The following COL4A1 variants were observed in gnomAD, a reference collection of about 807,000 sequenced individuals.
COL4A1 encodes the protein collagen type IV alpha 1 chain, also known as collagen alpha-1(IV) chain.
Under a neutral mutation model 216.6 loss-of-function variants are expected in COL4A1, and 40 were observed. That is an observed-to-expected ratio of 0.18 (90% CI 0.14 to 0.24). The LOEUF is 0.24. COL4A1 is among the 10% of genes least tolerant of loss of function. COL4A1 has a pLI of 1.00. For synonymous variants in COL4A1, 839 were observed against 810.7 expected (o/e 1.03, Z -0.59); for missense variants, 1,628 against 2,196.8 (o/e 0.74, Z 5.18).
chr13:110,274,211 T>A (rs1883353235), intron 1 of COL4A1, among the ~76,000 whole-genome samples: 1 of 152,136 alleles, frequency 6.6e-6, no homozygotes, highest in South Asian at 2.1e-4. Context: ...ATCAGCTAAT[T>A]ATTATAATGG....
At chr13:110,154,469 C>T (rs980728497) in intron 50 of COL4A1, among the ~76,000 whole-genome samples, 2 of 152,238 alleles carry the variant, frequency 1.3e-5, no homozygotes, top group Non-Finnish European at 2.9e-5. Flanking sequence ...GGTGTTCTCT[C>T]CCTAACTCAA....
chr13:110,254,995 T>A (rs1566420188), intron 1 of COL4A1, among the ~76,000 whole-genome samples: 1 of 152,130 alleles, frequency 6.6e-6, no homozygotes, highest in Non-Finnish European at 1.5e-5. Context: ...GCTTGCTGGT[T>A]AAGAGGAGAG....
At chr13:110,161,488 T>A in intron 48 of COL4A1, 119 bp from the exon 49 acceptor site, 1 of 1,194,842 alleles carries the variant, frequency 8.4e-7, no homozygotes, top group Non-Finnish European at 1.2e-6. Context: ...ATCACTGAAA[T>A]GGAAATGTAT....
At chr13:110,219,335 CAG>C (rs1309168800) in intron 2 of COL4A1, among the ~76,000 whole-genome samples, 3 of 152,164 alleles carry the variant, frequency 2.0e-5, no homozygotes, top group African/African-American at 7.2e-5. Context: ...TGAAATTTAA[CAG>C]TGTGGATTGT....
Position 110,150,417 on chromosome 13 carries a change from T to G in COL4A1, c.4956A>C (p.Ala1652=). The G allele has an allele frequency of 1.2e-6, 2 of 1,614,072 alleles. No homozygotes were observed. The change falls in exon 52 of 52, where the codon GCA becomes GCC. Residue 1652 remains alanine, a synonymous_variant. Transcript: ENST00000375820. Reference sequence around the variant, plus strand: ...GGCTGACGTGCGTGCGCAGCTCCCCTGCCTTCAAGGTGGACGGCGTAGGCT... The same window carrying G: ...GGCTGACGTGCGTGCGCAGCTCCCCGGCCTTCAAGGTGGACGGCGTAGGCT... The part of the protein sequence containing the change: ...FKKPTPSTLK[A]GELRTHVSRC...
chr13:110,256,813 C>T (rs755667102), intron 1 of COL4A1, among the ~76,000 whole-genome samples: 1 of 152,276 alleles, frequency 6.6e-6, no homozygotes, highest in East Asian at 1.9e-4. Context: ...GGGATAGGAT[C>T]TAACCACGCA....
At chr13:110,157,951 G>C (rs542716360) in intron 49 of COL4A1, among the ~76,000 whole-genome samples, 1 of 152,206 alleles carries the variant, frequency 6.6e-6, no homozygotes, top group East Asian at 1.9e-4. Context: ...TCTGAATCAA[G>C]GTCAAATGTC....
intron 2 of COL4A1, among the ~76,000 whole-genome samples, chr13:110,231,464 C>T (rs1022803095): frequency 6.6e-6 from 1 of 152,346 alleles, no homozygotes; most frequent in Admixed American, 6.5e-5. Flanking sequence ...AATGACCGTT[C>T]GGTTTGCCCT....
In COL4A1 at chr13:110,161,224, G is replaced by A. The variant is rs377100994; in HGVS notation, c.4608C>T (p.Ile1536=). Residue 1536 remains isoleucine, a synonymous_variant, in exon 49 of 52, where the codon ATC becomes ATT. Coordinates refer to ENST00000375820, the MANE Select transcript of COL4A1 (RefSeq NM_001845.6). ...TAAATGGTCTTATGTTTTCCCCCGT[G>A]ATGGGTGCCATTGACATGGGCATGG... ...PEPMPMSMAP[I]TGENIRPFIS... is the part of the protein sequence containing the mutation. 181 of 1,614,086 alleles carry A rather than the reference G, an allele frequency of 1.1e-4. No individual in the cohort carries two copies. The highest frequency in any genetic ancestry group is 1.4e-4 in the Non-Finnish European group (162 of 1,180,056).
intron 46 of COL4A1, among the ~76,000 whole-genome samples, chr13:110,164,539 C>T (rs151084270): frequency 6.6e-6 from 1 of 152,280 alleles, no homozygotes; most frequent in East Asian, 1.9e-4. Context: ...CAGATTGCTA[C>T]ATGCCACCCC....
chr13:110,290,636 T>A (rs1221059386), intron 1 of COL4A1, among the ~76,000 whole-genome samples: 3 of 152,208 alleles, frequency 2.0e-5, no homozygotes, highest in African/African-American at 7.2e-5. Flanking sequence ...ATCATCCCTG[T>A]CCACACCTCC....
chr13:110,158,210 C>A (rs1008670319), intron 49 of COL4A1, among the ~76,000 whole-genome samples: 1 of 136,554 alleles, frequency 7.3e-6, no homozygotes, highest in African/African-American at 3.1e-5. Flanking sequence ...CATTTTAAGA[C>A]CTATAAAATA....
At chr13:110,190,217 G>C (rs1036468222) in intron 24 of COL4A1, among the ~76,000 whole-genome samples, 3 of 151,864 alleles carry the variant, frequency 2.0e-5, no homozygotes, top group Non-Finnish European at 4.4e-5. Context: ...TGCTTTCTTT[G>C]CCACAGAACT....
intron 38 of COL4A1, 30 bp from the exon 39 acceptor site, chr13:110,174,556 C>T: frequency 6.2e-7 from 1 of 1,614,176 alleles, no homozygotes; most frequent in Non-Finnish European, 8.5e-7. Context: ...ACCAGAACAT[C>T]CATAAGTTTG....
In COL4A1 at chr13:110,181,325, G is replaced by C. The variant is rs781133776; in HGVS notation, c.2160C>G (p.Gly720=). 1.2e-6 allele frequency: 2 copies of C among 1,613,854 alleles called. No homozygotes were observed. Among genetic ancestry groups the C allele is most frequent in the African/African-American group, 1.3e-5 (1 of 74,962 alleles). ...PGTPGRPGFN[G]LPGNPGVQGQ... ...CCTGCACACCTGGGTTCCCAGGTAA[G>C]CCATTAAATCCCGGGCGACCTGGAG... The change falls in exon 29 of 52, where the codon GGC becomes GGG. Residue 720 remains glycine (G), a synonymous_variant. Coordinates refer to ENST00000375820, the MANE Select transcript of COL4A1 (RefSeq NM_001845.6).
chr13:110,194,558 A>G (rs763610413), intron 22 of COL4A1, among the ~76,000 whole-genome samples: 1 of 152,198 alleles, frequency 6.6e-6, no homozygotes, highest in Non-Finnish European at 1.5e-5. Flanking sequence ...GAAGCTGGTT[A>G]ATGCATCAAC....
chr13:110,184,297 T>C (rs540308038), intron 26 of COL4A1, among the ~76,000 whole-genome samples: 1 of 152,290 alleles, frequency 6.6e-6, no homozygotes, highest in South Asian at 2.1e-4. Flanking sequence ...CTGATGGTAG[T>C]TTCTCGCCAA....
At chr13:110,221,953 G>C (rs1880500687) in intron 2 of COL4A1, among the ~76,000 whole-genome samples, 1 of 152,134 alleles carries the variant, frequency 6.6e-6, no homozygotes, top group African/African-American at 2.4e-5. Context: ...TTCCGTTTTC[G>C]CATCAAACCA....
chr13:110,150,690 C>A (rs1026121415), intron 51 of COL4A1, among the ~76,000 whole-genome samples: 4 of 152,250 alleles, frequency 2.6e-5, no homozygotes, highest in Non-Finnish European at 2.9e-5. Flanking sequence ...GCCCACAGCC[C>A]CATAGGGCAC....
Sources: gnomAD v4.1 joint callset for allele counts (sites outside exome capture counted in the v4.1 genomes callset) on GRCh38, gnomAD v4.1.1 for gene constraint, MANE v1.5 for transcripts, NCBI Gene and HGNC (gene_info 2026-07-23, HGNC 2026-07-21) for gene names.